The following CLVS1 variants were observed in gnomAD, a reference collection of about 807,000 sequenced individuals.
CLVS1 encodes the protein clavesin-1.
Under a neutral mutation model 33.1 loss-of-function variants are expected in CLVS1, and 10 were observed. The observed-to-expected ratio is 0.30, with a 90% CI of 0.19 to 0.51. CLVS1 has a LOEUF of 0.51. Ranked by LOEUF, CLVS1 falls within the 20% of genes least tolerant of loss-of-function variation. The pLI, the probability that CLVS1 is intolerant of heterozygous loss-of-function variation, is 0.97. For synonymous variants in CLVS1, 163 were observed against 166.1 expected, an observed-to-expected ratio of 0.98 and a Z score of 0.14; for missense variants, 343 against 433.4, an observed-to-expected ratio of 0.79 and a Z score of 1.85.
At chr8:61,051,508 A>G in the CLVS1 span, among the ~76,000 whole-genome samples, 216 of 152,278 alleles carry the variant, frequency 1.4e-3, 1 homozygote, top group African/African-American at 4.9e-3. Flanking sequence ...CCAGGGGAGG[A>G]TGCCCTCCTG....
At chr8:61,478,224 G>T (rs1163172170) in intron 5 of CLVS1, among the ~76,000 whole-genome samples, 1 of 152,172 alleles carries the variant, frequency 6.6e-6, no homozygotes, top group Non-Finnish European at 1.5e-5. Flanking sequence ...GCTGAGGAGT[G>T]CTGTACTTCC....
the CLVS1 span, among the ~76,000 whole-genome samples, chr8:60,991,272 A>G: frequency 6.6e-6 from 1 of 152,354 alleles, no homozygotes; most frequent in Non-Finnish European, 1.5e-5. Context: ...GTAAAGAGGA[A>G]AAAAAATCTC....
chr8:61,392,742 C>T lies in CLVS1; in HGVS notation c.630+15963C>T, dbSNP rs557079855. Among the ~76,000 whole-genome samples the T allele has an allele frequency of 5.3e-5, 8 of 151,882 alleles. 1 individual carries two copies. The South Asian group carries it at 1.7e-3, about 32-fold the overall frequency. ...GGGCTTGGTGCCACACGGCTGTAAT[C>T]CCAGCTACTCAGGAGCCTGAGGCAG... On this transcript the variant is annotated intron_variant, in intron 3 of 5. Transcript: ENST00000325897.
intron 2 of CLVS1, among the ~76,000 whole-genome samples, chr8:61,181,720 G>GTTTTTT (rs1807238504): frequency 8.2e-6 from 1 of 121,798 alleles, no homozygotes. Flanking sequence ...TTTTTTTTGA[G>GTTTTTT]ATGGAGTCTC....
At chr8:61,249,662 T>C (rs1427793124) in intron 2 of CLVS1, among the ~76,000 whole-genome samples, 4 of 152,248 alleles carry the variant, frequency 2.6e-5, no homozygotes, top group Non-Finnish European at 2.9e-5. Context: ...TGCATTTCTC[T>C]AATGACCAGT....
the CLVS1 span, among the ~76,000 whole-genome samples, chr8:61,007,288 T>C: frequency 1.3e-5 from 2 of 152,234 alleles, no homozygotes; most frequent in African/African-American, 4.8e-5. Flanking sequence ...AGATGTTTTA[T>C]AGTAGCAGAT....
At chr8:61,284,164 T>A (rs2978523), upstream of CLVS1, among the ~76,000 whole-genome samples, 42,785 of 151,836 alleles carry the variant, frequency 0.28, 6,882 homozygotes, top group Non-Finnish European at 0.35. Flanking sequence ...GAATCTAAAG[T>A]GTTGTTGTCA....
intron 2 of CLVS1, among the ~76,000 whole-genome samples, chr8:61,340,111 AAG>A (rs972711707): frequency 1.3e-5 from 2 of 152,104 alleles, no homozygotes; most frequent in Non-Finnish European, 2.9e-5. Flanking sequence ...AAAAGAAAGA[AAG>A]AGAGAAAGGG....
At chr8:61,499,415 A>G (rs377183270) in intron 5 of CLVS1, 40 bp from the exon 6 acceptor site, 9 of 1,432,868 alleles carry the variant, frequency 6.3e-6, no homozygotes, top group Non-Finnish European at 8.9e-6. Context: ...GTCACCATGA[A>G]TTGTTTGTAA....
At chr8:61,425,979 G>A (rs1253709388) in intron 3 of CLVS1, among the ~76,000 whole-genome samples, 2 of 152,146 alleles carry the variant, frequency 1.3e-5, no homozygotes, top group African/African-American at 2.4e-5. Flanking sequence ...TCACCCTTTA[G>A]AGCTGTAATT....
chr8:61,195,526 C>A (rs927914901), intron 2 of CLVS1, among the ~76,000 whole-genome samples: 2 of 151,138 alleles, frequency 1.3e-5, no homozygotes, highest in Non-Finnish European at 3.0e-5. Context: ...TGTGCTTATT[C>A]AAAAGGAAAG....
At chr8:61,214,242 A>G (rs987832083) in intron 2 of CLVS1, among the ~76,000 whole-genome samples, 1 of 152,022 alleles carries the variant, frequency 6.6e-6, no homozygotes, top group African/African-American at 2.4e-5. Flanking sequence ...GTGATATTCT[A>G]TTACCTTGTA....
the CLVS1 span, among the ~76,000 whole-genome samples, chr8:61,040,042 T>G: frequency 6.6e-6 from 1 of 152,208 alleles, no homozygotes. Flanking sequence ...CCCCTTTTTG[T>G]GTCCATATGT....
intron 2 of CLVS1, among the ~76,000 whole-genome samples, chr8:61,197,713 T>G (rs1041475314): frequency 1.3e-5 from 2 of 152,198 alleles, no homozygotes; most frequent in African/African-American, 4.8e-5. Flanking sequence ...AGAGATGGGA[T>G]TTGGCCATGT....
Position 61,360,337 on chromosome 8 carries a change from A to G in CLVS1, c.456-16268A>G, listed in dbSNP as rs971473210. On this transcript the variant is annotated intron_variant, in intron 2 of 5. Transcript: ENST00000325897. ...ATGATTCTAGAAGTCCCCTTTCTCC[A>G]TTTCCAACCCAGAAATCCTCTGACT... Among the ~76,000 whole-genome samples, 8 of 152,322 alleles carry G rather than the reference A, an allele frequency of 5.3e-5. No individual in the cohort carries two copies. In the East Asian group the frequency reaches 1.4e-3, roughly 26 times the overall value.
intron 2 of CLVS1, among the ~76,000 whole-genome samples, chr8:61,237,221 T>C (rs1808584910): frequency 6.6e-6 from 1 of 152,178 alleles, no homozygotes; most frequent in Admixed American, 6.6e-5. Flanking sequence ...AGCAAGCTAC[T>C]GGTCACTGTG....
chr8:60,982,517 A>C, the CLVS1 span, among the ~76,000 whole-genome samples: 991 of 152,312 alleles, frequency 6.5e-3, 8 homozygotes, highest in Non-Finnish European at 0.011. Flanking sequence ...GACAGCATAT[A>C]ATTGCCTCAC....
intron 1 of CLVS1, among the ~76,000 whole-genome samples, chr8:61,058,597 T>C (rs1048291023): frequency 3.3e-5 from 5 of 152,218 alleles, no homozygotes; most frequent in African/African-American, 1.2e-4. Flanking sequence ...GTTTTCTAAT[T>C]TTGACATATG....
At chr8:61,188,153 C>G (rs1024746268) in intron 2 of CLVS1, among the ~76,000 whole-genome samples, 2 of 152,128 alleles carry the variant, frequency 1.3e-5, no homozygotes. Flanking sequence ...AAACTCTACT[C>G]TTATTATGAT....
Sources: allele counts gnomAD v4.1 joint callset (sites outside exome capture counted in the v4.1 genomes callset), GRCh38; gene constraint gnomAD v4.1.1; transcripts MANE v1.5; gene names NCBI Gene and HGNC (gene_info 2026-07-23, HGNC 2026-07-21).